COL4A6: variants seen among roughly 807,000 people sequenced by gnomAD.
COL4A6 encodes collagen type IV alpha 6 chain.
In COL4A6, 59 loss-of-function variants were observed where a neutral mutation model predicts 126.7. That is an observed-to-expected ratio of 0.47 (90% CI 0.38 to 0.58). The LOEUF is 0.58. COL4A6 is among the 20% of genes least tolerant of loss of function. The probability of loss-of-function intolerance (pLI) is 0.00; values close to 1 mark genes in which losing one functional copy is unlikely to be tolerated. For synonymous variants in COL4A6, 547 were observed against 496.6 expected (o/e 1.10, Z -1.35); for missense variants, 1,285 against 1,337.3 (o/e 0.96, Z 0.61).
rs767242545 is a variant in COL4A6 at position 108,317,767 on chromosome X, G to A, written c.64-6939C>T. Among the ~76,000 whole-genome samples the A allele has an allele frequency of 6.3e-5, 7 of 111,615 alleles. No individual in the cohort carries two copies. In the East Asian group the frequency reaches 2.0e-3, roughly 32 times the overall value. On this transcript the variant is annotated intron_variant, in intron 2 of 44. Coordinates refer to ENST00000334504, the MANE Select transcript of COL4A6 (RefSeq NM_033641.4). ...ATGTGGCGTTATTTCTGAGGGCTCC[G>A]TTCTGTTCCATTGATCTATATCTCT...
intron 3 of COL4A6, among the ~76,000 whole-genome samples, chrX:108,288,775 GC>G (rs1301830154): frequency 6.2e-4 from 69 of 110,848 alleles, no homozygotes; most frequent in African/African-American, 2.3e-3. Flanking sequence ...CAAATGATAA[GC>G]TTTACTGGTA....
At chrX:108,428,086 T>C (rs1008931051) in intron 2 of COL4A6, among the ~76,000 whole-genome samples, 4 of 111,713 alleles carry the variant, frequency 3.6e-5, no homozygotes, top group Non-Finnish European at 5.6e-5. Flanking sequence ...TCCAATCTTT[T>C]GGCTTTCCTG....
chrX:108,413,149 C>A (rs745335084), intron 2 of COL4A6, among the ~76,000 whole-genome samples: 11 of 111,933 alleles, frequency 9.8e-5, no homozygotes, highest in Non-Finnish European at 1.9e-4. Flanking sequence ...TTATTTGGTG[C>A]TAGAGAGTTA....
At chrX:108,220,251 C>G (rs1248178299) in intron 4 of COL4A6, among the ~76,000 whole-genome samples, 1 of 112,387 alleles carries the variant, frequency 8.9e-6, no homozygotes, top group Non-Finnish European at 1.9e-5. Flanking sequence ...ACTACAAAGT[C>G]TGCTTTGCAC....
At chrX:108,194,365 A>C (rs1189132985) in intron 16 of COL4A6, among the ~76,000 whole-genome samples, 169 bp downstream of exon 16, 2 of 112,455 alleles carry the variant, frequency 1.8e-5, no homozygotes, top group Non-Finnish European at 3.8e-5. Flanking sequence ...GTATCTAAGA[A>C]ATGCTCATTA....
chrX:108,384,350 T>G (rs2040636848), intron 2 of COL4A6, among the ~76,000 whole-genome samples: 1 of 112,362 alleles, frequency 8.9e-6, no homozygotes, highest in African/African-American at 3.2e-5. Context: ...AAACATCATT[T>G]TCCTTAGGCA....
chrX:108,276,839 A>G (rs1020340548), intron 3 of COL4A6, among the ~76,000 whole-genome samples: 2 of 112,007 alleles, frequency 1.8e-5, no homozygotes, highest in Non-Finnish European at 3.8e-5. Context: ...GAGGATTTCA[A>G]CCTTTAATTG....
chrX:108,324,307 A>G (rs2039100605), intron 2 of COL4A6, among the ~76,000 whole-genome samples: 1 of 112,195 alleles, frequency 8.9e-6, no homozygotes, highest in Non-Finnish European at 1.9e-5. Flanking sequence ...TCATGTGTGT[A>G]GTTCTCCAGT....
chrX:108,392,020 G>A, intron 2 of COL4A6, among the ~76,000 whole-genome samples: 1 of 112,419 alleles, frequency 8.9e-6, no homozygotes, highest in Non-Finnish European at 1.9e-5. Context: ...ATTCAATGAG[G>A]AAGGAAGTCT....
intron 2 of COL4A6, among the ~76,000 whole-genome samples, chrX:108,411,720 T>C (rs1406360780): frequency 8.9e-6 from 1 of 112,023 alleles, no homozygotes; most frequent in Non-Finnish European, 1.9e-5. Context: ...GAGTGAGATA[T>C]ACTTCAACTG....
intron 6 of COL4A6, among the ~76,000 whole-genome samples, chrX:108,212,907 G>C (rs1456121074): frequency 9.0e-6 from 1 of 111,656 alleles, no homozygotes; most frequent in East Asian, 2.8e-4. Context: ...CTCCTTTTAG[G>C]GGGTAGCATG....
At chrX:108,219,809 T>A (rs2035964297) in intron 4 of COL4A6, 67 bp from the exon 5 acceptor site, 1 of 903,494 alleles carries the variant, frequency 1.1e-6, no homozygotes, top group Non-Finnish European at 1.6e-6. Flanking sequence ...ACTCAGTAGG[T>A]TTATGAGAGT....
At chrX:108,215,871 C>T (rs781189906) in intron 5 of COL4A6, among the ~76,000 whole-genome samples, 3 of 111,277 alleles carry the variant, frequency 2.7e-5, no homozygotes, top group South Asian at 7.7e-4. Context: ...TAAATATAGC[C>T]TTCACTCAAC....
chrX:108,391,941 A>G (rs1334864971), intron 2 of COL4A6, among the ~76,000 whole-genome samples: 1 of 112,063 alleles, frequency 8.9e-6, no homozygotes, highest in African/African-American at 3.2e-5. Flanking sequence ...TACAGACCAG[A>G]GCTGTTCCTG....
chrX:108,353,739 T>G (rs2039893485), intron 2 of COL4A6, among the ~76,000 whole-genome samples: 1 of 112,015 alleles, frequency 8.9e-6, no homozygotes, highest in Non-Finnish European at 1.9e-5. Flanking sequence ...GAGATTAGCG[T>G]ATATTATGGA....
intron 3 of COL4A6, among the ~76,000 whole-genome samples, chrX:108,284,744 C>T (rs2037959973): frequency 8.9e-6 from 1 of 112,297 alleles, no homozygotes; most frequent in Non-Finnish European, 1.9e-5. Context: ...GCAGTTCAAG[C>T]TTTTACACCA....
At chrX:108,429,197 A>C (rs1251220007) in intron 2 of COL4A6, among the ~76,000 whole-genome samples, 2 of 112,407 alleles carry the variant, frequency 1.8e-5, no homozygotes, top group Non-Finnish European at 3.8e-5. Flanking sequence ...GAAAAGGCAA[A>C]ACTACAATAA....
intron 2 of COL4A6, among the ~76,000 whole-genome samples, chrX:108,408,335 G>GAGAAAGAAAGAA (rs60742058): frequency 9.9e-5 from 10 of 100,851 alleles, no homozygotes; most frequent in African/African-American, 3.3e-4. Context: ...AAAAGAAAGA[G>GAGAAAGAAAGAA]AGAAAGAAAG....
intron 2 of COL4A6, among the ~76,000 whole-genome samples, chrX:108,327,264 G>A (rs1370643067): frequency 1.8e-5 from 2 of 109,954 alleles, no homozygotes; most frequent in Non-Finnish European, 3.8e-5. Context: ...TCTAACTAAT[G>A]CCTGATGATC....
Sources: gnomAD v4.1 joint callset for allele counts (sites outside exome capture counted in the v4.1 genomes callset) on GRCh38, gnomAD v4.1.1 for gene constraint, MANE v1.5 for transcripts, NCBI Gene and HGNC (gene_info 2026-07-23, HGNC 2026-07-21) for gene names.